Variants in PM20D2 observed in about 807,000 individuals in gnomAD.
PM20D2 encodes peptidase M20 domain containing 2.
Under a neutral mutation model 42.9 loss-of-function variants are expected in PM20D2, and 33 were observed. The ratio of observed to expected loss-of-function variants is 0.77; its 90% CI spans 0.58 to 1.03. The LOEUF (loss-of-function observed/expected upper bound fraction) is 1.03. PM20D2 is among the 50% of genes least tolerant of loss of function. The pLI, the probability that PM20D2 is intolerant of heterozygous loss-of-function variation, is 0.00. For synonymous variants in PM20D2, 250 were observed against 228.2 expected (o/e 1.10, Z -0.86); for missense variants, 548 against 557.0 (o/e 0.98, Z 0.16).
chr6:89,153,157 G>A lies in PM20D2; in HGVS notation c.729G>A (p.Gln243=). 1 of 1,606,908 alleles carries A rather than the reference G, an allele frequency of 6.2e-7. No homozygotes were observed. Among genetic ancestry groups the A allele is most frequent in the South Asian group, 1.1e-5 (1 of 89,588 alleles). Residue 243 remains glutamine, a synonymous_variant, in exon 3 of 7, where the codon CAG becomes CAA. Transcript: ENST00000275072. ...LAYNNLSVFR[Q]QMKPTWRVHG... ...ATAACAATCTGTCTGTGTTCAGACA[G>A]CAAATGAAACCAACCTGGAGAGTTC...
upstream of PM20D2, among the ~76,000 whole-genome samples, chr6:89,141,321 T>G (rs149861636): frequency 1.8e-3 from 276 of 152,326 alleles, no homozygotes; most frequent in Non-Finnish European, 3.5e-3. Flanking sequence ...ACGGAATGTT[T>G]CTGGAATCCT....
chr6:89,101,046 T>C, the PM20D2 span, among the ~76,000 whole-genome samples: 33 of 150,498 alleles, frequency 2.2e-4, no homozygotes, highest in African/African-American at 7.3e-4. Flanking sequence ...GAGGCAGAGG[T>C]TGCAGTGAGC....
the PM20D2 span, chr6:89,098,584 A>G: frequency 3.1e-6 from 5 of 1,608,306 alleles, no homozygotes; most frequent in Admixed American, 1.7e-5. Flanking sequence ...CTGTTCACCA[A>G]CTGTTTTTAT....
intron 4 of PM20D2, among the ~76,000 whole-genome samples, chr6:89,157,228 G>A (rs1210500025): frequency 6.6e-6 from 1 of 152,062 alleles, no homozygotes; most frequent in Non-Finnish European, 1.5e-5. Context: ...ACCTTGCCTG[G>A]CCTAAATCTA....
chr6:89,101,058 A>G, the PM20D2 span, among the ~76,000 whole-genome samples: 107,381 of 149,616 alleles, frequency 0.72, 38,685 homozygotes, highest in East Asian at 0.84. Context: ...GCAGTGAGCC[A>G]AGATCGTGCC....
chr6:89,097,615 A>C, the PM20D2 span: 1 of 152,034 alleles, frequency 6.6e-6, no homozygotes, highest in African/African-American at 2.4e-5. Flanking sequence ...CGACCTCCCA[A>C]AGTGCTGGGA....
chr6:89,162,283 TAA>T lies in PM20D2; in HGVS notation c.*22_*23del. On this transcript the variant is annotated 3_prime_UTR_variant, in exon 7 of 7. Transcript: ENST00000275072. Reference sequence around the variant, plus strand: ...GAATAAAAGACTTAGGGGCCACTTATAAATCAAGAAGACGTGATGATTTTTTT... The same window carrying T: ...GAATAAAAGACTTAGGGGCCACTTATATCAAGAAGACGTGATGATTTTTTT... 1 of 1,586,288 alleles carries T rather than the reference TAA, an allele frequency of 6.3e-7. No individual in the cohort carries two copies. The highest frequency in any genetic ancestry group is 8.6e-7 in the Non-Finnish European group (1 of 1,167,588).
chr6:89,094,824 AAT>A, the PM20D2 span, among the ~76,000 whole-genome samples: 7 of 151,060 alleles, frequency 4.6e-5, no homozygotes, highest in South Asian at 4.2e-4. Flanking sequence ...CAATGGGGCA[AAT>A]ATATCATTTT....
At chr6:89,132,033 C>T in the PM20D2 span, among the ~76,000 whole-genome samples, 1 of 152,258 alleles carries the variant, frequency 6.6e-6, no homozygotes, top group South Asian at 2.1e-4. Context: ...GGACATCAAC[C>T]TCCAAAGAGA....
the PM20D2 span, among the ~76,000 whole-genome samples, chr6:89,134,574 A>G: frequency 6.6e-6 from 1 of 151,228 alleles, no homozygotes; most frequent in East Asian, 1.9e-4. Flanking sequence ...TGAAGAATGG[A>G]TTCCCCATTT....
chr6:89,149,434 TAA>T, intron 2 of PM20D2, 21 bp downstream of exon 2: 1 of 1,611,750 alleles, frequency 6.2e-7, no homozygotes, highest in Non-Finnish European at 8.5e-7. Context: ...AAGTTGAAGA[TAA>T]ACTTCTTAGG....
intron 4 of PM20D2, 50 bp from the exon 5 acceptor site, chr6:89,158,275 A>C: frequency 4.0e-6 from 6 of 1,483,098 alleles, no homozygotes; most frequent in East Asian, 2.3e-5. Context: ...AAAATTAGAT[A>C]GTGAATTTGA....
At chr6:89,131,723 C>G in the PM20D2 span, among the ~76,000 whole-genome samples, 1 of 152,060 alleles carries the variant, frequency 6.6e-6, no homozygotes, top group South Asian at 2.1e-4. Context: ...AGTCTTCACA[C>G]CACTGAGGAG....
At chr6:89,106,708 AC>A in the PM20D2 span, 2 of 236,470 alleles carry the variant, frequency 8.5e-6, no homozygotes, top group Admixed American at 4.9e-5. Flanking sequence ...TTGAACCTTG[AC>A]CTTTACTCTT....
At chr6:89,157,026 G>A (rs932915991) in intron 4 of PM20D2, among the ~76,000 whole-genome samples, 3 of 152,018 alleles carry the variant, frequency 2.0e-5, no homozygotes, top group African/African-American at 7.2e-5. Context: ...ATATCTCAAG[G>A]TATACAGTAT....
chr6:89,120,547 A>G, the PM20D2 span, among the ~76,000 whole-genome samples: 4 of 152,186 alleles, frequency 2.6e-5, no homozygotes, highest in African/African-American at 9.7e-5. Flanking sequence ...TTCATGAGAC[A>G]TGTAAACGAT....
At chr6:89,161,704 AG>A (rs11315741) in intron 5 of PM20D2, 78 bp from the exon 6 acceptor site, 17,243 of 1,104,434 alleles carry the variant, frequency 0.016, 218 homozygotes, top group African/African-American at 0.031. Context: ...CTCTTCTAAC[AG>A]GGACTGTGAC....
At chr6:89,151,316 C>T (rs774357587) in intron 2 of PM20D2, among the ~76,000 whole-genome samples, 2 of 151,436 alleles carry the variant, frequency 1.3e-5, no homozygotes, top group African/African-American at 2.4e-5. Context: ...CTGCAGCTTC[C>T]GCCTCTGGGT....
the PM20D2 span, among the ~76,000 whole-genome samples, chr6:89,139,204 G>C: frequency 2.0e-5 from 3 of 151,446 alleles, no homozygotes; most frequent in Non-Finnish European, 2.9e-5. Context: ...TAATAGATAG[G>C]ACTACAGGCA....
Sources: allele counts gnomAD v4.1 joint callset (sites outside exome capture counted in the v4.1 genomes callset), GRCh38; gene constraint gnomAD v4.1.1; transcripts MANE v1.5; gene names NCBI Gene and HGNC (gene_info 2026-07-23, HGNC 2026-07-21).